ELP1: variants seen among roughly 807,000 people sequenced by gnomAD.
The protein encoded by ELP1 is elongator acetyltransferase complex subunit 1.
In ELP1, 131 loss-of-function variants were observed where a neutral mutation model predicts 183.2. The ratio of observed to expected loss-of-function variants is 0.72; its 90% confidence interval spans 0.62 to 0.83. The LOEUF (loss-of-function observed/expected upper bound fraction) is 0.83. Among genes scored for constraint, ELP1 ranks in the 40% least tolerant of loss-of-function variants. The pLI, the probability that ELP1 is intolerant of heterozygous loss-of-function variation, is 0.00. For synonymous variants in ELP1, 555 were observed against 569.0 expected, an observed-to-expected ratio of 0.98 and a Z score of 0.35; for missense variants, 1,550 against 1,594.9, an observed-to-expected ratio of 0.97 and a Z score of 0.48.
Position 108,893,023 on chromosome 9 carries a change from G to A in ELP1, c.2921C>T (p.Ala974Val), listed in dbSNP as rs774504340. 3 of 1,613,528 alleles carry A rather than the reference G, an allele frequency of 1.9e-6. No individual in the cohort carries two copies. In the African/African-American group the frequency reaches 4.0e-5, roughly 22 times the overall value. Residue 974 changes from alanine to valine, a missense_variant, in exon 27 of 37, where the codon GCT (alanine) becomes GTT (valine). Coordinates refer to ENST00000374647, the MANE Select transcript of ELP1 (RefSeq NM_003640.5). ...TGAGCTTGGTGAATATAACTTCAGA[G>A]CTTCGTTATACAAGTTTTTATCTTT... ...LIKDKNLYNE[A>V]LKLYSPSSQQ... is the part of the protein sequence containing the mutation.
At chr9:108,885,625 C>T (rs527837893) in intron 29 of ELP1, among the ~76,000 whole-genome samples, 2 of 152,336 alleles carry the variant, frequency 1.3e-5, no homozygotes, top group South Asian at 4.1e-4. Flanking sequence ...AAGAGCTGAG[C>T]TGTCAGGTGT....
intron 34 of ELP1, 55 bp from the exon 35 acceptor site, chr9:108,878,204 G>C: frequency 6.7e-7 from 1 of 1,490,204 alleles, no homozygotes; most frequent in South Asian, 1.1e-5. Context: ...TCCATTGACA[G>C]AATCATACAT....
At chr9:108,920,853 G>A (rs1386248828) in intron 6 of ELP1, among the ~76,000 whole-genome samples, 4 of 151,832 alleles carry the variant, frequency 2.6e-5, no homozygotes, top group Non-Finnish European at 2.9e-5. Flanking sequence ...CAGGATGCTC[G>A]GTTTTTTTCC....
At chr9:108,913,325 A>G (rs1204640852) in intron 10 of ELP1, among the ~76,000 whole-genome samples, 1 of 152,216 alleles carries the variant, frequency 6.6e-6, no homozygotes, top group Non-Finnish European at 1.5e-5. Context: ...TCAGCTGTCC[A>G]AAGAAGATAA....
At chr9:108,905,868 T>TACAC (rs35044796) in intron 14 of ELP1, among the ~76,000 whole-genome samples, 9,390 of 147,976 alleles carry the variant, frequency 0.063, 343 homozygotes, top group Admixed American at 0.12. Flanking sequence ...AAGGTATGTA[T>TACAC]ACACACACAC....
intron 12 of ELP1, among the ~76,000 whole-genome samples, chr9:108,909,131 A>G (rs963014413): frequency 6.6e-6 from 1 of 152,026 alleles, no homozygotes; most frequent in African/African-American, 2.4e-5. Flanking sequence ...CTTCACAGAG[A>G]GGCCTTTGGG....
At chr9:108,916,415 G>C (rs971038089) in intron 9 of ELP1, 118 bp from the exon 10 acceptor site, 1 of 809,754 alleles carries the variant, frequency 1.2e-6, no homozygotes. Flanking sequence ...CTCATCCCTA[G>C]CTGTAAATCA....
intron 22 of ELP1, 146 bp from the exon 23 acceptor site, chr9:108,897,431 C>T: frequency 4.6e-6 from 4 of 878,174 alleles, no homozygotes; most frequent in South Asian, 1.5e-5. Context: ...AGAAATAAAA[C>T]ATGTCCACAA....
rs775294636 is a variant in ELP1, at chr9:108,897,282, T to C, written c.2367A>G (p.Glu789=). 1.9e-6 allele frequency: 3 copies of C among 1,614,104 alleles called. No homozygotes were observed. Among genetic ancestry groups the C allele is most frequent in the Non-Finnish European group, 2.5e-6 (3 of 1,180,034 alleles). The change falls in exon 23 of 37, where the codon GAA becomes GAG. Residue 789 remains glutamate (E), a synonymous_variant. Transcript: ENST00000374647. ...GGTACATGGTCTTCGTGACATCTTC[T>C]TCTCTAAGAACAGGTGTGTATGGAA... The part of the protein sequence containing the change: ...HINLFFTELK[E]EDVTKTMYPA...
intron 27 of ELP1, 119 bp downstream of exon 27, chr9:108,892,867 A>G (rs757342961): frequency 5.3e-6 from 4 of 756,522 alleles, no homozygotes; most frequent in Non-Finnish European, 9.6e-6. Context: ...AATTGAGGCT[A>G]ATTAGTTTTA....
chr9:108,882,515 G>A (rs1827969980), intron 29 of ELP1, among the ~76,000 whole-genome samples: 1 of 152,018 alleles, frequency 6.6e-6, no homozygotes, highest in African/African-American at 2.4e-5. Flanking sequence ...AGGTTTAGGT[G>A]GGCTCCAGAA....
In ELP1 at chr9:108,918,896, G is replaced by A. The variant is rs374238430; in HGVS notation, c.655C>T (p.Arg219Trp). ...VSVVCPETGA[R>W]KVRVWNREFA... is the part of the protein sequence containing the mutation. ...TCTCGGTTCCACACTCTGACCTTCC[G>A]AGCCCCTGTGCGGGAGTGGAGTCAA... is the stretch of plus-strand genomic sequence containing the variant. The change falls in exon 8 of 37, where the codon CGG (arginine) becomes TGG (tryptophan). Residue 219 changes from arginine (R) to tryptophan (W), a missense_variant. Coordinates refer to ENST00000374647, the MANE Select transcript of ELP1 (RefSeq NM_003640.5). 15 of 1,613,716 alleles carry A rather than the reference G, an allele frequency of 9.3e-6. No individual in the cohort carries two copies. Among genetic ancestry groups the A allele is most frequent in the Admixed American group, 8.3e-5 (5 of 60,008 alleles).
intron 2 of ELP1, among the ~76,000 whole-genome samples, chr9:108,930,287 A>T (rs896838992): frequency 6.6e-6 from 1 of 152,240 alleles, no homozygotes; most frequent in Admixed American, 6.5e-5. Context: ...AACATAATCA[A>T]GGGACCATAT....
Position 108,902,927 on chromosome 9 carries a change from G to A in ELP1, c.1766C>T (p.Ala589Val). The A allele has an allele frequency of 6.2e-7, 1 of 1,613,714 alleles. No individual in the cohort carries two copies. Among genetic ancestry groups the A allele is most frequent in the Non-Finnish European group, 8.5e-7 (1 of 1,179,658 alleles). Residue 589 changes from alanine (A) to valine (V), a missense_variant, in exon 16 of 37, where the codon GCT (alanine) becomes GTT (valine). Physicochemically the swap from Ala to Val is moderately conservative, Grantham distance 64. Coordinates refer to ENST00000374647, the MANE Select transcript of ELP1 (RefSeq NM_003640.5). ...ACCAGAGTTCTTCCATGGTTTAATA[G>A]CCAGAGAAGGTGACTCTGCAAGATT... ...FKYLWESPSL[A>V]IKPWKNSGGF...
At position 108,890,372 on chromosome 9, in the gene ELP1, T is replaced by C. The variant is rs555861470; in HGVS notation, c.3160+831A>G. ...CAAATGACAAAGAAGGACTGGTACATAAATTTAACAAAATTTAACAGGATA... is the reference window on the plus strand; with the variant it reads ...CAAATGACAAAGAAGGACTGGTACACAAATTTAACAAAATTTAACAGGATA... On this transcript the variant is annotated intron_variant, in intron 28 of 36. Coordinates refer to ENST00000374647, the MANE Select transcript of ELP1 (RefSeq NM_003640.5). Among the ~76,000 whole-genome samples the C allele has an allele frequency of 5.3e-5, 8 of 152,348 alleles. 1 individual carries two copies. Among genetic ancestry groups the C allele is most frequent in the African/African-American group, 1.7e-4 (7 of 41,586 alleles).
Position 108,894,053 on chromosome 9 carries a change from T to C in ELP1, c.2750A>G (p.Tyr917Cys), listed in dbSNP as rs1407873204. ...CTTAAGTGTATTAAGAAATGGAAGA[T>C]ATTCTTTGGGATCCTAAAAAAATGA... ...AEKSQKDPKE[Y>C]LPFLNTLKKM... Residue 917 changes from tyrosine to cysteine, a missense_variant, in exon 26 of 37, where the codon TAT becomes TGT. By Grantham distance (194) the Tyr-to-Cys change is radical (BLOSUM62 -2). Transcript: ENST00000374647. The C allele has an allele frequency of 1.3e-6, 2 of 1,507,168 alleles. No individual in the cohort carries two copies. Among genetic ancestry groups the C allele is most frequent in the African/African-American group, 1.4e-5 (1 of 72,764 alleles). The allele number at this position is 1,507,168 out of a possible 1,614,324, so 93.4% of individuals were successfully genotyped here.
intron 12 of ELP1, among the ~76,000 whole-genome samples, chr9:108,909,313 G>A (rs936643608): frequency 1.3e-5 from 2 of 152,004 alleles, no homozygotes; most frequent in African/African-American, 4.8e-5. Context: ...AGTACAACTA[G>A]TTTTCTAGTA....
chr9:108,932,877 T>G (rs937659130), intron 1 of ELP1, among the ~76,000 whole-genome samples: 1 of 152,178 alleles, frequency 6.6e-6, no homozygotes, highest in Admixed American at 6.5e-5. Flanking sequence ...TTCGCAGTTC[T>G]TAAATGTGCT....
chr9:108,915,712 C>A (rs1218188688), intron 10 of ELP1, among the ~76,000 whole-genome samples: 2 of 151,640 alleles, frequency 1.3e-5, no homozygotes, highest in Admixed American at 1.3e-4. Flanking sequence ...TACAGCTGAC[C>A]CTTGAACAAC....
Sources: gnomAD v4.1 joint callset for allele counts (sites outside exome capture counted in the v4.1 genomes callset) on GRCh38, gnomAD v4.1.1 for gene constraint, MANE v1.5 for transcripts, NCBI Gene and HGNC (gene_info 2026-07-23, HGNC 2026-07-21) for gene names.